The following XRN1 variants were observed in gnomAD, a reference collection of about 807,000 sequenced individuals.
XRN1 encodes the protein 5'-3' exoribonuclease 1, also known as strand-exchange protein 1 homolog.
XRN1 carries 67 observed loss-of-function variants against 222.3 expected under a neutral mutation model. That is an observed-to-expected ratio of 0.30 (90% CI 0.25 to 0.37). The LOEUF is 0.37. XRN1 is among the 10% of genes least tolerant of loss of function. The pLI is 1.00. For missense variants in XRN1, 1,707 were observed against 2,000.2 expected, an observed-to-expected ratio of 0.85 and a Z score of 2.80; for synonymous variants, 643 against 652.4, an observed-to-expected ratio of 0.99 and a Z score of 0.22.
chr3:142,432,961 G>T, intron 1 of XRN1, 68 bp from the exon 2 acceptor site: 1 of 1,195,724 alleles, frequency 8.4e-7, no homozygotes, highest in Admixed American at 2.2e-5. Context: ...AAGCAGCAGG[G>T]AAAAGTGATT....
chr3:142,369,921 C>T (rs1204323009), intron 27 of XRN1, among the ~76,000 whole-genome samples: 4 of 151,526 alleles, frequency 2.6e-5, no homozygotes, highest in Non-Finnish European at 5.9e-5. Flanking sequence ...GTGGCAGGCG[C>T]CTGTAATCCC....
chr3:142,359,962 T>TA (rs773286091), intron 29 of XRN1, 31 bp from the exon 30 acceptor site: 3 of 1,458,838 alleles, frequency 2.1e-6, no homozygotes, highest in South Asian at 1.2e-5. Flanking sequence ...AAAGAGACAC[T>TA]AAAAAATCAT....
chr3:142,406,746 T>C (rs1184660286), intron 15 of XRN1, among the ~76,000 whole-genome samples: 2 of 152,074 alleles, frequency 1.3e-5, no homozygotes, highest in African/African-American at 4.8e-5. Flanking sequence ...CAGGGTGGGC[T>C]TGAACTCCTG....
At chr3:142,390,425 C>T (rs1459988379) in intron 20 of XRN1, among the ~76,000 whole-genome samples, 1 of 152,218 alleles carries the variant, frequency 6.6e-6, no homozygotes, top group Non-Finnish European at 1.5e-5. Context: ...TTTGTTGCTT[C>T]AGCTCACACT....
intron 29 of XRN1, among the ~76,000 whole-genome samples, chr3:142,363,602 T>C (rs1416498562): frequency 6.6e-6 from 1 of 151,822 alleles, no homozygotes; most frequent in East Asian, 1.9e-4. Flanking sequence ...TCTAGCTTTG[T>C]AAAGTTTACT....
chr3:142,342,708 G>A (rs899745411), intron 33 of XRN1, among the ~76,000 whole-genome samples: 1 of 152,144 alleles, frequency 6.6e-6, no homozygotes, highest in Non-Finnish European at 1.5e-5. Context: ...AATAAATGGT[G>A]CTGGGAAAAC....
At chr3:142,443,665 A>C (rs1249493958) in intron 1 of XRN1, among the ~76,000 whole-genome samples, 1 of 152,192 alleles carries the variant, frequency 6.6e-6, no homozygotes, top group African/African-American at 2.4e-5. Context: ...AAAACAAACA[A>C]ACAAACAAAA....
chr3:142,347,556 T>C (rs189465606), intron 32 of XRN1, among the ~76,000 whole-genome samples: 24 of 152,252 alleles, frequency 1.6e-4, no homozygotes, highest in African/African-American at 4.8e-4. Context: ...TTCTATGCAT[T>C]AGTTTGCAAG....
At chr3:142,324,080 T>C (rs1313740646) in intron 37 of XRN1, among the ~76,000 whole-genome samples, 1 of 151,764 alleles carries the variant, frequency 6.6e-6, no homozygotes, top group Non-Finnish European at 1.5e-5. Context: ...TTGGGTTTTT[T>C]TTCAGTTTTT....
At chr3:142,372,612 T>C (rs560025165) in intron 25 of XRN1, among the ~76,000 whole-genome samples, 1 of 152,292 alleles carries the variant, frequency 6.6e-6, no homozygotes, top group Admixed American at 6.5e-5. Flanking sequence ...AAAGTAACCT[T>C]AGTTGAGGCA....
At chr3:142,371,385 C>CT in intron 25 of XRN1, 57 bp from the exon 26 acceptor site, 1 of 1,263,356 alleles carries the variant, frequency 7.9e-7, no homozygotes, top group Non-Finnish European at 1.1e-6. Flanking sequence ...TTCGGATAAA[C>CT]TTCCTACATA....
chr3:142,339,036 A>G (rs979655489), intron 33 of XRN1, among the ~76,000 whole-genome samples: 1 of 152,190 alleles, frequency 6.6e-6, no homozygotes, highest in African/African-American at 2.4e-5. Flanking sequence ...AGGGAAGGAC[A>G]CAAGCCTGGC....
intron 37 of XRN1, among the ~76,000 whole-genome samples, chr3:142,322,863 C>T (rs2065398252): frequency 1.3e-5 from 2 of 151,694 alleles, no homozygotes. Flanking sequence ...CTTAGCCGAG[C>T]GTGGTGGCAT....
chr3:142,337,893 T>C (rs1349773188), intron 33 of XRN1, among the ~76,000 whole-genome samples: 1 of 152,208 alleles, frequency 6.6e-6, no homozygotes, highest in Non-Finnish European at 1.5e-5. Flanking sequence ...GCAGAATTCA[T>C]ATTTTCAGAA....
At chr3:142,380,227 AT>A in intron 22 of XRN1, 47 bp from the exon 23 acceptor site, 1 of 1,476,378 alleles carries the variant, frequency 6.8e-7, no homozygotes, top group South Asian at 1.2e-5. Context: ...AGTACATTTT[AT>A]TTTTTAACTT....
chr3:142,442,180 G>C lies in XRN1; in HGVS notation c.75+5690C>G, dbSNP rs571872909. ...TCCTCCATGCCCATGCAGCAATATG[G>C]AGAGAAAGGGAATTCCTAACTTTGG... On this transcript the variant is annotated intron_variant, in intron 1 of 40. Transcript: ENST00000392981. Among the ~76,000 whole-genome samples, 4 of 152,314 alleles carry C rather than the reference G, an allele frequency of 2.6e-5. No homozygotes were observed. In the East Asian group the frequency reaches 7.7e-4, roughly 29 times the overall value.
chr3:142,333,149 G>C lies in XRN1; in HGVS notation c.3940-60C>G, dbSNP rs943317063. The C allele has an allele frequency of 3.3e-6, 5 of 1,534,726 alleles. No homozygotes were observed. In the African/African-American group the frequency reaches 5.6e-5, roughly 17 times the overall value. ...CGTATAATACAAGAACACACAAAAAGCTGAGTTTTATGTACAAAAATGGTC... is the reference window on the plus strand; with the variant it reads ...CGTATAATACAAGAACACACAAAAACCTGAGTTTTATGTACAAAAATGGTC... On this transcript the variant is annotated intron_variant, in intron 34 of 40. Coordinates refer to ENST00000392981, the MANE Select transcript of XRN1 (RefSeq NM_001282857.2).
chr3:142,311,646 A>G lies in XRN1; in HGVS notation c.4950T>C (p.Pro1650=). 6.2e-7 allele frequency: 1 copy of G among 1,614,178 alleles called. No individual in the cohort carries two copies. Among genetic ancestry groups the G allele is most frequent in the Non-Finnish European group, 8.5e-7 (1 of 1,180,010 alleles). ...ASLKSSPIAQ[P]ASSFQVETAS... ...CAGTTTCAACTTGAAAAGAAGATGC[A>G]GGTTGAGCAATCGGAGAGGACTTCA... Residue 1650 remains proline, a synonymous_variant, in exon 41 of 41, where the codon CCT becomes CCC. Transcript: ENST00000392981.
intron 10 of XRN1, chr3:142,420,199 A>T (rs1366666139): frequency 6.6e-6 from 1 of 152,104 alleles, no homozygotes; most frequent in Admixed American, 6.6e-5. Context: ...ATTAAAAAAA[A>T]ATTGCCAGGG....
Sources: gnomAD v4.1 joint callset for allele counts (sites outside exome capture counted in the v4.1 genomes callset) on GRCh38, gnomAD v4.1.1 for gene constraint, MANE v1.5 for transcripts, NCBI Gene and HGNC (gene_info 2026-07-23, HGNC 2026-07-21) for gene names.